Variants in PRKCB observed in about 807,000 individuals in gnomAD.
PRKCB encodes the protein protein kinase C beta type.
A neutral mutation model predicts 81.5 loss-of-function variants in PRKCB; 13 were observed. The observed-to-expected ratio is 0.16, with a 90% CI of 0.10 to 0.25. The LOEUF (loss-of-function observed/expected upper bound fraction) is 0.25, where lower values mean the gene tolerates loss of function less well. PRKCB is among the 10% of genes least tolerant of loss of function. The probability of loss-of-function intolerance (pLI) is 1.00; values close to 1 mark genes in which losing one functional copy is unlikely to be tolerated. For missense variants in PRKCB, 509 were observed against 875.7 expected (o/e 0.58, Z 5.29); for synonymous variants, 335 against 321.4 (o/e 1.04, Z -0.45).
chr16:23,938,755 G>A (rs1964097167), intron 2 of PRKCB, among the ~76,000 whole-genome samples: 1 of 152,128 alleles, frequency 6.6e-6, no homozygotes, highest in African/African-American at 2.4e-5. Flanking sequence ...AAAACTAGAA[G>A]TTAATAACAA....
chr16:23,918,741 T>C (rs1193492293), intron 2 of PRKCB, among the ~76,000 whole-genome samples: 2 of 152,124 alleles, frequency 1.3e-5, no homozygotes, highest in Non-Finnish European at 2.9e-5. Flanking sequence ...TAATATCTAA[T>C]CAAATCTAAG....
At chr16:24,096,207 G>T (rs1243563984) in intron 7 of PRKCB, among the ~76,000 whole-genome samples, 1 of 152,050 alleles carries the variant, frequency 6.6e-6, no homozygotes, top group Non-Finnish European at 1.5e-5. Flanking sequence ...GTTGCAGTGA[G>T]CCGAGATCAT....
chr16:23,872,361 T>A (rs529073973), intron 2 of PRKCB, among the ~76,000 whole-genome samples: 8 of 152,262 alleles, frequency 5.3e-5, no homozygotes, highest in East Asian at 3.9e-4. Context: ...TTACAAAAAA[T>A]TTTTAAAAAT....
chr16:24,150,189 G>A (rs1020153062), intron 9 of PRKCB, among the ~76,000 whole-genome samples: 3 of 152,058 alleles, frequency 2.0e-5, no homozygotes, highest in Non-Finnish European at 4.4e-5. Context: ...AAATTAACCA[G>A]GTGTGGTGGT....
intron 2 of PRKCB, among the ~76,000 whole-genome samples, chr16:23,953,477 C>T (rs560032604): frequency 2.0e-5 from 3 of 152,310 alleles, no homozygotes; most frequent in African/African-American, 7.2e-5. Context: ...GGGTATCACA[C>T]CCAGGGGCTC....
At chr16:23,971,121 C>T (rs950481441) in intron 2 of PRKCB, among the ~76,000 whole-genome samples, 3 of 152,182 alleles carry the variant, frequency 2.0e-5, no homozygotes, top group African/African-American at 7.2e-5. Flanking sequence ...AGTAAATATG[C>T]AATGAAGTAT....
intron 3 of PRKCB, among the ~76,000 whole-genome samples, chr16:24,021,586 G>A (rs1429663535): frequency 5.9e-5 from 9 of 151,982 alleles, no homozygotes; most frequent in South Asian, 2.1e-4. Flanking sequence ...TATAACCCCC[G>A]TGTTAGGTGG....
intron 9 of PRKCB, among the ~76,000 whole-genome samples, chr16:24,147,641 T>A (rs1190297962): frequency 1.3e-5 from 2 of 152,138 alleles, no homozygotes; most frequent in Non-Finnish European, 2.9e-5. Context: ...TTTAAAATAT[T>A]CCAGCACTGA....
At chr16:24,057,427 T>C (rs560053857) in intron 5 of PRKCB, among the ~76,000 whole-genome samples, 12 of 152,212 alleles carry the variant, frequency 7.9e-5, no homozygotes, top group Non-Finnish European at 1.5e-4. Flanking sequence ...ATAGCTTTCC[T>C]GGGGAACAAA....
In PRKCB at chr16:24,129,463, CA is replaced by C. The variant is rs199516637; in HGVS notation, c.1065+5491del. Among the ~76,000 whole-genome samples, 3 of 150,156 alleles carry C rather than the reference CA, an allele frequency of 2.0e-5. No individual in the cohort carries two copies. The South Asian group carries it at 6.4e-4, about 32-fold the overall frequency. On this transcript the variant is annotated intron_variant, in intron 9 of 16. Coordinates refer to ENST00000643927, the MANE Select transcript of PRKCB (RefSeq NM_002738.7). ...CCAAATGGTATATTCATAATAAATA[CA>C]AAAAAAAACGAAGTGACTCTCTCCT...
In PRKCB at chr16:24,220,050, C is replaced by T. The variant is rs778605803; in HGVS notation, c.*5234C>T. ...CCACTGATAAACTCTTCATCATGAA[C>T]TTGGACCAAAATGAATTTGCTGGCT... On this transcript the variant is annotated 3_prime_UTR_variant, in exon 17 of 17. Transcript: ENST00000643927. 2 of 1,614,174 alleles carry T rather than the reference C, an allele frequency of 1.2e-6. No individual in the cohort carries two copies. The highest frequency in any genetic ancestry group is 2.2e-5 in the South Asian group (2 of 91,082).
At chr16:24,089,611 A>G (rs78473914) in intron 5 of PRKCB, among the ~76,000 whole-genome samples, 1 of 151,922 alleles carries the variant, frequency 6.6e-6, no homozygotes, top group African/African-American at 2.4e-5. Flanking sequence ...CTCTACAAAA[A>G]TTTTTTTAAA....
At chr16:23,840,651 G>A (rs1165112515) in intron 2 of PRKCB, among the ~76,000 whole-genome samples, 1 of 152,130 alleles carries the variant, frequency 6.6e-6, no homozygotes, top group Non-Finnish European at 1.5e-5. Context: ...TGCCACTCTG[G>A]TAGGAGGTGT....
At chr16:23,906,866 A>T (rs1244310714) in intron 2 of PRKCB, among the ~76,000 whole-genome samples, 1 of 152,144 alleles carries the variant, frequency 6.6e-6, no homozygotes, top group African/African-American at 2.4e-5. Context: ...AGTGCCAGCT[A>T]GGCAGCAAGG....
chr16:24,149,457 C>A (rs779901663), intron 9 of PRKCB, among the ~76,000 whole-genome samples: 8 of 152,122 alleles, frequency 5.3e-5, no homozygotes, highest in Non-Finnish European at 8.8e-5. Flanking sequence ...TTAATGACTG[C>A]TGAGAAAGTG....
rs1159106184 is a variant in PRKCB, at chr16:24,124,458, G to A, written c.1065+477G>A. ...TGGGTTTCACTCACAGTGCAGCGGG[G>A]AGCCATTGAACCTTTTTAAGCAGAT... is the stretch of plus-strand genomic sequence containing the variant. On this transcript the variant is annotated intron_variant, in intron 9 of 16. Coordinates refer to ENST00000643927, the MANE Select transcript of PRKCB (RefSeq NM_002738.7). Among the ~76,000 whole-genome samples, 4 of 152,146 alleles carry A rather than the reference G, an allele frequency of 2.6e-5. No homozygotes were observed. In the South Asian group the frequency reaches 8.3e-4, roughly 32 times the overall value.
chr16:23,871,600 C>T (rs7194054), intron 2 of PRKCB, among the ~76,000 whole-genome samples: 63,860 of 151,688 alleles, frequency 0.42, 13,770 homozygotes, highest in South Asian at 0.64. Context: ...TTTTTTGAGA[C>T]GGAGTCTCAC....
chr16:23,903,016 A>G lies in PRKCB; in HGVS notation c.205+65610A>G, dbSNP rs185601440. ...TTTTTTTTTTTTTTCCTTTTTCTGT[A>G]GAGACAAAGTCTTGCTATGTTGCAT... On this transcript the variant is annotated intron_variant, in intron 2 of 16. Transcript: ENST00000643927. Among the ~76,000 whole-genome samples, 181 of 127,962 alleles carry G rather than the reference A, an allele frequency of 1.4e-3. 1 individual carries two copies. Among genetic ancestry groups the G allele is most frequent in the African/African-American group, 5.6e-3 (174 of 30,914 alleles). 83.9% of individuals were successfully genotyped at this position (127,962 alleles called of 152,430 possible).
At chr16:24,006,843 G>A (rs1040893530) in intron 3 of PRKCB, among the ~76,000 whole-genome samples, 4 of 137,670 alleles carry the variant, frequency 2.9e-5, no homozygotes, top group Non-Finnish European at 5.9e-5. Context: ...GCAGGGGGTG[G>A]GGAGGGGGAA....
Sources: gnomAD v4.1 joint callset for allele counts (sites outside exome capture counted in the v4.1 genomes callset) on GRCh38, gnomAD v4.1.1 for gene constraint, MANE v1.5 for transcripts, NCBI Gene and HGNC (gene_info 2026-07-23, HGNC 2026-07-21) for gene names.